The following SRBD1 variants were observed in gnomAD, a reference collection of about 807,000 sequenced individuals.
The protein encoded by SRBD1 is S1 RNA-binding domain-containing protein 1.
A neutral mutation model predicts 115.3 loss-of-function variants in SRBD1; 88 were observed. The ratio of observed to expected loss-of-function variants is 0.76; its 90% CI spans 0.64 to 0.91. The LOEUF (loss-of-function observed/expected upper bound fraction) is 0.91, where lower values mean the gene tolerates loss of function less well. Among genes scored for constraint, SRBD1 ranks in the 40% least tolerant of loss-of-function variants. The pLI is 0.00. For synonymous variants in SRBD1, 509 were observed against 407.7 expected (o/e 1.25, Z -2.99); for missense variants, 1,385 against 1,177.4 (o/e 1.18, Z -2.58).
rs1267332858 is a variant in SRBD1 at position 45,477,049 on chromosome 2, G to C, written c.1993C>G (p.Pro665Ala). Residue 665 changes from proline to alanine, a missense_variant, in exon 16 of 21, where the codon CCA becomes GCA. Pro to Ala is a conservative substitution (Grantham distance 27). Coordinates refer to ENST00000263736, the MANE Select transcript of SRBD1 (RefSeq NM_018079.5). ...AVSIARRVQDPLAELVKIEPK... is the reference protein window; with the variant it reads ...AVSIARRVQDALAELVKIEPK... ...TCAATTTTCACTAGCTCAGCTAATG[G>C]ATCTTGTACACGCCTTGCTATGGAA... is the stretch of plus-strand genomic sequence containing the variant. 5 of 1,613,682 alleles carry C rather than the reference G, an allele frequency of 3.1e-6. No homozygotes were observed. The highest frequency in any genetic ancestry group is 4.2e-6 in the Non-Finnish European group (5 of 1,179,886).
intron 16 of SRBD1, among the ~76,000 whole-genome samples, chr2:45,427,655 C>A (rs1558386354): frequency 6.6e-6 from 1 of 152,060 alleles, no homozygotes; most frequent in African/African-American, 2.4e-5. Context: ...GGCAGAAACA[C>A]AACAAAAAAA....
At chr2:45,609,507 A>C (rs1299993063) in intron 1 of SRBD1, among the ~76,000 whole-genome samples, 1 of 152,160 alleles carries the variant, frequency 6.6e-6, no homozygotes, top group African/African-American at 2.4e-5. Flanking sequence ...GAAACAACGA[A>C]TTACTTCCCA....
At chr2:45,492,259 C>T (rs1015373135) in intron 14 of SRBD1, among the ~76,000 whole-genome samples, 2 of 152,188 alleles carry the variant, frequency 1.3e-5, no homozygotes, top group African/African-American at 4.8e-5. Flanking sequence ...GTTTACAAGT[C>T]TTTTCTACCA....
intron 15 of SRBD1, among the ~76,000 whole-genome samples, chr2:45,483,014 G>T (rs553148465): frequency 6.6e-5 from 10 of 151,888 alleles, no homozygotes; most frequent in African/African-American, 2.4e-4. Context: ...GAATCCGTGG[G>T]CACGTGCACA....
At chr2:45,574,558 A>G (rs2104154802) in intron 8 of SRBD1, 69 bp downstream of exon 8, 3 of 1,407,008 alleles carry the variant, frequency 2.1e-6, no homozygotes, top group Non-Finnish European at 2.9e-6. Context: ...CATTGGTATT[A>G]GCACTAACCG....
Position 45,611,204 on chromosome 2 carries a change from G to GC in SRBD1, c.-1+14dup, listed in dbSNP as rs1390989062. 6.6e-6 allele frequency: 1 copy of GC among 152,196 alleles called. No homozygotes were observed. Among genetic ancestry groups the GC allele is most frequent in the African/African-American group, 2.4e-5 (1 of 41,464 alleles). The allele number at this position is 152,196 out of a possible 1,614,324, so 9.4% of individuals were successfully genotyped here. ...GAACCCGCAAGACGACCGCCAAGGC[G>GC]CACGCACAGCTCACCTTCCCGCCCG... On this transcript the variant is annotated intron_variant, in intron 1 of 20. Coordinates refer to ENST00000263736, the MANE Select transcript of SRBD1 (RefSeq NM_018079.5).
intron 14 of SRBD1, among the ~76,000 whole-genome samples, chr2:45,516,738 T>C (rs1671130530): frequency 6.6e-6 from 1 of 152,194 alleles, no homozygotes; most frequent in African/African-American, 2.4e-5. Context: ...GTATTGCTTT[T>C]TAAAAAAAGC....
chr2:45,555,714 G>A (rs976106607), intron 10 of SRBD1, among the ~76,000 whole-genome samples: 5 of 151,934 alleles, frequency 3.3e-5, no homozygotes, highest in African/African-American at 7.3e-5. Flanking sequence ...GGATGGTCTC[G>A]ATCTCCTGAC....
Position 45,579,926 on chromosome 2 carries a change from C to T in SRBD1, c.1021G>A (p.Glu341Lys), listed in dbSNP as rs747861941. 6.2e-7 allele frequency: 1 copy of T among 1,609,962 alleles called. No individual in the cohort carries two copies. Among genetic ancestry groups the T allele is most frequent in the East Asian group, 2.2e-5 (1 of 44,676 alleles). The change falls in exon 7 of 21, where the codon GAG (glutamate) becomes AAG (lysine). Residue 341 changes from glutamate to lysine, a missense_variant. Coordinates refer to ENST00000263736, the MANE Select transcript of SRBD1 (RefSeq NM_018079.5). ...GLEGAARALL[E>K]KPGELSLLSY... is the part of the protein sequence containing the mutation. The stretch of plus-strand genomic sequence containing the variant: ...AGCAGACTGAGCTCCCCTGGTTTCT[C>T]AAGCAGTGCCCTGGCTGCTCCTTCT...
chr2:45,596,074 G>A (rs1330897681), intron 4 of SRBD1, among the ~76,000 whole-genome samples: 1 of 151,990 alleles, frequency 6.6e-6, no homozygotes, highest in Non-Finnish European at 1.5e-5. Context: ...TTTCTAAGAG[G>A]GCAAAAGGCC....
intron 7 of SRBD1, among the ~76,000 whole-genome samples, chr2:45,575,052 T>C (rs1471504683): frequency 1.3e-5 from 2 of 152,334 alleles, no homozygotes; most frequent in East Asian, 3.9e-4. Flanking sequence ...CTCAGTTTCC[T>C]ATAAAAATGG....
At chr2:45,553,564 G>A in intron 11 of SRBD1, 59 bp downstream of exon 11, 2 of 1,064,906 alleles carry the variant, frequency 1.9e-6, no homozygotes, top group Admixed American at 2.7e-5. Flanking sequence ...ACACTGTAAT[G>A]GTACTAGTAT....
At chr2:45,432,592 T>G (rs574426474) in intron 16 of SRBD1, among the ~76,000 whole-genome samples, 1 of 152,262 alleles carries the variant, frequency 6.6e-6, no homozygotes, top group African/African-American at 2.4e-5. Flanking sequence ...GACACATCAC[T>G]CTACTGGCAG....
intron 16 of SRBD1, among the ~76,000 whole-genome samples, chr2:45,423,941 T>A (rs1668079652): frequency 6.6e-6 from 1 of 152,210 alleles, no homozygotes; most frequent in Non-Finnish European, 1.5e-5. Context: ...TTTTAAATTT[T>A]AACTTTGAAA....
intron 16 of SRBD1, among the ~76,000 whole-genome samples, chr2:45,449,942 T>C (rs1397302097): frequency 6.6e-6 from 1 of 152,170 alleles, no homozygotes; most frequent in Non-Finnish European, 1.5e-5. Flanking sequence ...AGTCATTGTA[T>C]GTCACAGCCC....
At chr2:45,580,511 A>ATTTT (rs1227093467) in intron 6 of SRBD1, among the ~76,000 whole-genome samples, 3 of 85,782 alleles carry the variant, frequency 3.5e-5, no homozygotes, top group African/African-American at 5.0e-5. Context: ...ACGTCCAGCT[A>ATTTT]TTTTTTTTTT....
At chr2:45,533,716 A>G (rs1671681667) in intron 14 of SRBD1, among the ~76,000 whole-genome samples, 1 of 152,078 alleles carries the variant, frequency 6.6e-6, no homozygotes, top group East Asian at 1.9e-4. Flanking sequence ...AAGGTTATCA[A>G]AAACACTGAT....
At chr2:45,580,103 G>A in intron 6 of SRBD1, 90 bp from the exon 7 acceptor site, 1 of 1,097,948 alleles carries the variant, frequency 9.1e-7, no homozygotes, top group Non-Finnish European at 1.2e-6. Flanking sequence ...TGCTGAGAAT[G>A]CTAAAGAAAT....
intron 3 of SRBD1, among the ~76,000 whole-genome samples, chr2:45,601,359 A>T (rs1161131367): frequency 6.6e-6 from 1 of 152,204 alleles, no homozygotes; most frequent in South Asian, 2.1e-4. Flanking sequence ...TTATTATTTT[A>T]AACTATTAAA....
Sources: gnomAD v4.1 joint callset for allele counts (sites outside exome capture counted in the v4.1 genomes callset) on GRCh38, gnomAD v4.1.1 for gene constraint, MANE v1.5 for transcripts, NCBI Gene and HGNC (gene_info 2026-07-23, HGNC 2026-07-21) for gene names.